The following CTNNA3 variants were observed in gnomAD, a reference collection of about 807,000 sequenced individuals.
CTNNA3 encodes catenin alpha-3.
In CTNNA3, 76 loss-of-function variants were observed where a neutral mutation model predicts 95.7. The ratio of observed to expected loss-of-function variants is 0.79; its 90% CI spans 0.66 to 0.96. The LOEUF is 0.96. Ranked by LOEUF, CTNNA3 falls within the 40% of genes least tolerant of loss-of-function variation. CTNNA3 has a pLI of 0.00. For synonymous variants in CTNNA3, 431 were observed against 374.4 expected (o/e 1.15, Z -1.74); for missense variants, 1,191 against 1,089.8 (o/e 1.09, Z -1.31).
chr10:67,059,357 A>C (rs1188492199), intron 7 of CTNNA3, among the ~76,000 whole-genome samples: 1 of 152,234 alleles, frequency 6.6e-6, no homozygotes, highest in Non-Finnish European at 1.5e-5. Context: ...ATAATATTTT[A>C]AGACCAATGA....
intron 3 of CTNNA3, among the ~76,000 whole-genome samples, chr10:67,559,973 A>G (rs1185020214): frequency 1.3e-5 from 2 of 152,202 alleles, no homozygotes; most frequent in African/African-American, 2.4e-5. Flanking sequence ...GCCTCCAAGA[A>G]ATAGGGGACT....
intron 7 of CTNNA3, among the ~76,000 whole-genome samples, chr10:67,026,094 T>C (rs1853364709): frequency 7.4e-6 from 1 of 135,138 alleles, no homozygotes; most frequent in Non-Finnish European, 1.6e-5. Flanking sequence ...AACATCACAC[T>C]CTGGGGACTG....
chr10:67,453,992 C>A (rs1816721411), intron 5 of CTNNA3, among the ~76,000 whole-genome samples: 1 of 151,738 alleles, frequency 6.6e-6, no homozygotes, highest in Non-Finnish European at 1.5e-5. Flanking sequence ...TCTCTGAAAC[C>A]CATACACACA....
chr10:66,459,609 T>C (rs2093515492), intron 11 of CTNNA3, among the ~76,000 whole-genome samples: 1 of 152,156 alleles, frequency 6.6e-6, no homozygotes, highest in African/African-American at 2.4e-5. Context: ...AGAAATATGT[T>C]GTTAGGTGAT....
At chr10:67,142,683 C>T (rs1860630982) in intron 7 of CTNNA3, among the ~76,000 whole-genome samples, 1 of 152,196 alleles carries the variant, frequency 6.6e-6, no homozygotes. Context: ...CCTGTAATCC[C>T]AGCACTTTGG....
chr10:67,005,880 A>C (rs1441408256), intron 7 of CTNNA3, among the ~76,000 whole-genome samples: 1 of 151,286 alleles, frequency 6.6e-6, no homozygotes, highest in Non-Finnish European at 1.5e-5. Flanking sequence ...GAGGCAGGGT[A>C]TCACCATGTT....
At chr10:67,493,294 G>A (rs562246665) in intron 5 of CTNNA3, among the ~76,000 whole-genome samples, 166 of 152,100 alleles carry the variant, frequency 1.1e-3, no homozygotes, top group Non-Finnish European at 1.9e-3. Flanking sequence ...CGGACACGGC[G>A]GCTCACCCCT....
intron 12 of CTNNA3, among the ~76,000 whole-genome samples, chr10:66,342,092 A>T (rs1410906509): frequency 6.6e-6 from 1 of 151,912 alleles, no homozygotes; most frequent in Non-Finnish European, 1.5e-5. Flanking sequence ...TTCTAATTCA[A>T]TTTTTTCTAA....
intron 7 of CTNNA3, among the ~76,000 whole-genome samples, chr10:66,777,642 A>G (rs1271208106): frequency 2.0e-5 from 3 of 152,114 alleles, no homozygotes; most frequent in African/African-American, 7.2e-5. Context: ...TTTTACCTAA[A>G]GAACCCAGCC....
chr10:66,268,347 G>A (rs528119646), intron 13 of CTNNA3, among the ~76,000 whole-genome samples: 1 of 152,146 alleles, frequency 6.6e-6, no homozygotes, highest in South Asian at 2.1e-4. Context: ...GATACAAAAG[G>A]CAATATGGCG....
At chr10:66,680,307 G>A (rs1451660587) in intron 9 of CTNNA3, among the ~76,000 whole-genome samples, 4 of 152,064 alleles carry the variant, frequency 2.6e-5, no homozygotes. Context: ...TGGGATTACA[G>A]ACATCAGCCA....
intron 9 of CTNNA3, among the ~76,000 whole-genome samples, chr10:66,673,835 C>T (rs893442294): frequency 2.6e-5 from 4 of 151,904 alleles, no homozygotes; most frequent in Non-Finnish European, 5.9e-5. Flanking sequence ...AGCACACTGT[C>T]TGGCAAATTT....
chr10:66,086,350 C>A (rs1057230989), intron 14 of CTNNA3, among the ~76,000 whole-genome samples: 1 of 152,044 alleles, frequency 6.6e-6, no homozygotes, highest in Non-Finnish European at 1.5e-5. Flanking sequence ...AAGATATATT[C>A]CAGTTTTACT....
chr10:67,410,201 T>G (rs1564631912), intron 5 of CTNNA3, among the ~76,000 whole-genome samples: 1 of 152,164 alleles, frequency 6.6e-6, no homozygotes, highest in Non-Finnish European at 1.5e-5. Flanking sequence ...TCATGTCACT[T>G]GCAGGGACAT....
intron 1 of CTNNA3, among the ~76,000 whole-genome samples, chr10:67,732,393 A>T (rs1170311764): frequency 6.6e-6 from 1 of 152,232 alleles, no homozygotes; most frequent in Non-Finnish European, 1.5e-5. Flanking sequence ...AAAGTATCAT[A>T]AAAATCTCAA....
intron 13 of CTNNA3, among the ~76,000 whole-genome samples, chr10:66,193,064 C>T (rs2086765579): frequency 6.6e-6 from 1 of 152,036 alleles, no homozygotes; most frequent in African/African-American, 2.4e-5. Context: ...AGTTGTGAGT[C>T]CCTGTTTATC....
At chr10:66,584,910 T>A (rs1399385945) in intron 10 of CTNNA3, among the ~76,000 whole-genome samples, 2 of 152,058 alleles carry the variant, frequency 1.3e-5, no homozygotes, top group Non-Finnish European at 2.9e-5. Flanking sequence ...CATTTACTTG[T>A]CTGAGAAAAA....
chr10:66,072,910 T>C (rs1248424487), intron 14 of CTNNA3, among the ~76,000 whole-genome samples: 1 of 152,144 alleles, frequency 6.6e-6, no homozygotes, highest in Admixed American at 6.6e-5. Flanking sequence ...CTGAAGTGTA[T>C]ATACCTTGTG....
At chr10:66,147,429 A>G (rs2083944574) in intron 13 of CTNNA3, among the ~76,000 whole-genome samples, 1 of 152,074 alleles carries the variant, frequency 6.6e-6, no homozygotes, top group Admixed American at 6.6e-5. Flanking sequence ...TCAAAATGAT[A>G]TGATATATAG....
Sources: allele counts gnomAD v4.1 joint callset (sites outside exome capture counted in the v4.1 genomes callset), GRCh38; gene constraint gnomAD v4.1.1; transcripts MANE v1.5; gene names NCBI Gene and HGNC (gene_info 2026-07-23, HGNC 2026-07-21).